The following KCNQ3 variants were observed in gnomAD, a reference collection of about 807,000 sequenced individuals.
The protein encoded by KCNQ3 is potassium voltage-gated channel subfamily Q member 3, also known as potassium voltage-gated channel subfamily KQT member 3.
A neutral mutation model predicts 92.5 loss-of-function variants in KCNQ3; 30 were observed. The observed-to-expected ratio is 0.32, with a 90% CI of 0.24 to 0.44. The LOEUF is 0.44. Among genes scored for constraint, KCNQ3 ranks in the 20% least tolerant of loss-of-function variants. The probability of loss-of-function intolerance (pLI) is 1.00; values close to 1 mark genes in which losing one functional copy is unlikely to be tolerated. For missense variants in KCNQ3, 913 were observed against 1,140.3 expected (o/e 0.80, Z 2.87); for synonymous variants, 450 against 468.8 (o/e 0.96, Z 0.52).
intron 1 of KCNQ3, among the ~76,000 whole-genome samples, chr8:132,432,286 C>T (rs1283596773): frequency 6.6e-6 from 1 of 151,590 alleles, no homozygotes; most frequent in Non-Finnish European, 1.5e-5. Context: ...TCCATGGCAA[C>T]TCAACTCTCC....
rs116253571 is a variant in KCNQ3, at chr8:132,419,635, G to C, written c.386+60512C>G. Among the ~76,000 whole-genome samples the C allele has an allele frequency of 6.9e-3, 1,055 of 152,280 alleles. 18 individuals carry two copies. The highest frequency in any genetic ancestry group is 0.023 in the African/African-American group (974 of 41,556). On this transcript the variant is annotated intron_variant, in intron 1 of 14. Coordinates refer to ENST00000388996, the MANE Select transcript of KCNQ3 (RefSeq NM_004519.4). ...CTCAGAGAGTGCTCTCTGTAGATCAGAAAAATGAGAACTGTTTTCTATGTA... is the reference window on the plus strand; with the variant it reads ...CTCAGAGAGTGCTCTCTGTAGATCACAAAAATGAGAACTGTTTTCTATGTA...
At chr8:132,187,873 ATAGTGATGGTGGCGGTGGTGGTGGTG>A (rs1827043506) in intron 1 of KCNQ3, among the ~76,000 whole-genome samples, 1 of 30,080 alleles carries the variant, frequency 3.3e-5, no homozygotes, top group Admixed American at 2.2e-4. Flanking sequence ...GGTGGTGGTG[ATAGTGATGGTGGCGGTGGTGGTGGTG>A]GTGATGGTGG....
Position 132,400,906 on chromosome 8 carries a change from A to G in KCNQ3, c.386+79241T>C, listed in dbSNP as rs941270521. Among the ~76,000 whole-genome samples the G allele has an allele frequency of 2.6e-5, 4 of 152,218 alleles. No individual in the cohort carries two copies. The East Asian group carries it at 7.7e-4, about 29-fold the overall frequency. The stretch of plus-strand genomic sequence containing the variant: ...AAAGGCAGGTAGCATTGTTGGTCGC[A>G]CATCTGCCCAGAGGGAGCCTGTCCA... On this transcript the variant is annotated intron_variant, in intron 1 of 14. Coordinates refer to ENST00000388996, the MANE Select transcript of KCNQ3 (RefSeq NM_004519.4).
chr8:132,386,527 G>A (rs1819895211), intron 1 of KCNQ3, among the ~76,000 whole-genome samples: 1 of 152,010 alleles, frequency 6.6e-6, no homozygotes, highest in South Asian at 2.1e-4. Context: ...AATTACCAAA[G>A]TGAGTTCAAA....
At chr8:132,276,932 C>T (rs1029867831) in intron 1 of KCNQ3, among the ~76,000 whole-genome samples, 2 of 152,166 alleles carry the variant, frequency 1.3e-5, no homozygotes, top group African/African-American at 4.8e-5. Flanking sequence ...AATGCTGAAA[C>T]ACATTAATAA....
intron 1 of KCNQ3, among the ~76,000 whole-genome samples, chr8:132,339,946 G>C (rs62520379): frequency 1.3e-5 from 2 of 151,340 alleles, no homozygotes; most frequent in Non-Finnish European, 2.9e-5. Flanking sequence ...TTCTGAGTGC[G>C]GGCAACAAAC....
rs192281027 is a variant in KCNQ3 at position 132,332,851 on chromosome 8, C to T, written c.387-146670G>A. ...AGCTGGACACCTCCCTGGTGCAGAACCTGTCCTTCCTGCTGCACTCACCTC... is the reference window on the plus strand; with the variant it reads ...AGCTGGACACCTCCCTGGTGCAGAATCTGTCCTTCCTGCTGCACTCACCTC... On this transcript the variant is annotated intron_variant, in intron 1 of 14. Transcript: ENST00000388996. 6.2e-4 allele frequency among the ~76,000 whole-genome samples: 95 copies of T among 152,356 alleles called. 1 individual carries two copies. Among genetic ancestry groups the T allele is most frequent in the Non-Finnish European group, 4.7e-4 (32 of 68,030 alleles).
intron 1 of KCNQ3, among the ~76,000 whole-genome samples, chr8:132,413,560 C>T (rs1438881211): frequency 6.6e-6 from 1 of 152,182 alleles, no homozygotes; most frequent in Non-Finnish European, 1.5e-5. Context: ...ATTCCCCATG[C>T]CTATACAGGC....
In KCNQ3 at chr8:132,375,111, T is replaced by C. The variant is rs183873098; in HGVS notation, c.386+105036A>G. The stretch of plus-strand genomic sequence containing the variant: ...CTTTGAGAAGAAAGCTAACCTTGAA[T>C]CTAGTGTTTTTTTCAAACTTAAATT... On this transcript the variant is annotated intron_variant, in intron 1 of 14. Coordinates refer to ENST00000388996, the MANE Select transcript of KCNQ3 (RefSeq NM_004519.4). Among the ~76,000 whole-genome samples the C allele has an allele frequency of 3.9e-3, 601 of 152,310 alleles. 7 individuals are homozygous for C. Among genetic ancestry groups the C allele is most frequent in the Non-Finnish European group, 5.9e-3 (402 of 68,036 alleles).
intron 1 of KCNQ3, among the ~76,000 whole-genome samples, chr8:132,383,052 C>G (rs1408420142): frequency 6.6e-6 from 1 of 152,198 alleles, no homozygotes; most frequent in Non-Finnish European, 1.5e-5. Context: ...CTAAAACTCT[C>G]TCATTCTAAA....
At chr8:132,184,492 GGA>G in intron 2 of KCNQ3, 125 bp from the exon 3 acceptor site, 5 of 1,012,578 alleles carry the variant, frequency 4.9e-6, no homozygotes, top group East Asian at 2.8e-5. Context: ...TGGTTGGCAG[GGA>G]TGGCTGGGGA....
chr8:132,411,809 C>T (rs1026142426), intron 1 of KCNQ3, among the ~76,000 whole-genome samples: 9 of 152,166 alleles, frequency 5.9e-5, no homozygotes, highest in African/African-American at 1.9e-4. Context: ...CAAGGACAAG[C>T]TGTGGGCTGC....
chr8:132,141,015 A>G, intron 10 of KCNQ3, 114 bp downstream of exon 10: 5 of 942,626 alleles, frequency 5.3e-6, no homozygotes, highest in Non-Finnish European at 6.9e-6. Flanking sequence ...GAAGGGAGAG[A>G]GTTACCTTGT....
At chr8:132,479,618 ACAAG>A (rs1462398081) in intron 1 of KCNQ3, among the ~76,000 whole-genome samples, 1 of 135,894 alleles carries the variant, frequency 7.4e-6, no homozygotes, top group Non-Finnish European at 1.5e-5. Flanking sequence ...GAAGGGTGGC[ACAAG>A]CAAGCGACAC....
intron 1 of KCNQ3, among the ~76,000 whole-genome samples, chr8:132,369,722 G>A (rs1819421229): frequency 6.6e-6 from 1 of 152,126 alleles, no homozygotes; most frequent in African/African-American, 2.4e-5. Flanking sequence ...GCAAATGGTG[G>A]TAGAGCCAGG....
At chr8:132,138,073 A>G (rs1825165014) in intron 11 of KCNQ3, 57 bp from the exon 12 acceptor site, 1 of 1,590,208 alleles carries the variant, frequency 6.3e-7, no homozygotes, top group Non-Finnish European at 8.5e-7. Context: ...GGGGAGCTAT[A>G]ACAGAAGGCT....
At chr8:132,459,432 G>A (rs1173646850) in intron 1 of KCNQ3, among the ~76,000 whole-genome samples, 2 of 152,210 alleles carry the variant, frequency 1.3e-5, no homozygotes, top group African/African-American at 4.8e-5. Flanking sequence ...GAGCTGGTAT[G>A]TGCAGAGATC....
chr8:132,398,270 T>C (rs1272919258), intron 1 of KCNQ3, among the ~76,000 whole-genome samples: 1 of 152,228 alleles, frequency 6.6e-6, no homozygotes, highest in Non-Finnish European at 1.5e-5. Flanking sequence ...ACTAGTTGGT[T>C]AATTGTTACT....
At chr8:132,338,440 G>A (rs2130678463) in intron 1 of KCNQ3, among the ~76,000 whole-genome samples, 1 of 152,310 alleles carries the variant, frequency 6.6e-6, no homozygotes, top group East Asian at 1.9e-4. Context: ...AATAAAATGG[G>A]GGTGATTGTG....
Sources: gnomAD v4.1 joint callset for allele counts (sites outside exome capture counted in the v4.1 genomes callset) on GRCh38, gnomAD v4.1.1 for gene constraint, MANE v1.5 for transcripts, NCBI Gene and HGNC (gene_info 2026-07-23, HGNC 2026-07-21) for gene names.